The following TAF2 variants were observed in gnomAD, a reference collection of about 807,000 sequenced individuals.
TAF2 encodes TATA-box binding protein associated factor 2.
Under a neutral mutation model 138.5 loss-of-function variants are expected in TAF2, and 61 were observed. That is an observed-to-expected ratio of 0.44 (90% CI 0.36 to 0.54). The LOEUF is 0.54. TAF2 is among the 20% of genes least tolerant of loss of function. The pLI is 0.00. For synonymous variants in TAF2, 475 were observed against 469.9 expected (o/e 1.01, Z -0.14); for missense variants, 1,090 against 1,427.9 (o/e 0.76, Z 3.81).
At chr8:119,811,801 G>A (rs1401774799) in intron 3 of TAF2, among the ~76,000 whole-genome samples, 3 of 103,244 alleles carry the variant, frequency 2.9e-5, no homozygotes. Context: ...GTGAGACTCC[G>A]TCTCAAAAAA....
At chr8:119,771,517 T>TA (rs780966242) in intron 18 of TAF2, among the ~76,000 whole-genome samples, 2 of 152,134 alleles carry the variant, frequency 1.3e-5, no homozygotes, top group Non-Finnish European at 2.9e-5. Context: ...ATTACAGGAA[T>TA]AAGCCACTGT....
chr8:119,753,110 T>C (rs1202670059), intron 22 of TAF2, among the ~76,000 whole-genome samples: 1 of 152,196 alleles, frequency 6.6e-6, no homozygotes, highest in African/African-American at 2.4e-5. Context: ...ATTCTCATGA[T>C]AAAATGCTAT....
Position 119,762,480 on chromosome 8 carries a change from T to C in TAF2, c.2493A>G (p.Glu831=). 6.2e-7 allele frequency: 1 copy of C among 1,614,042 alleles called. No homozygotes were observed. Among genetic ancestry groups the C allele is most frequent in the African/African-American group, 1.3e-5 (1 of 75,060 alleles). Residue 831 remains glutamate, a synonymous_variant, in exon 19 of 26, where the codon GAA becomes GAG. Transcript: ENST00000378164. ...CCATATTCAAAAATCTGGTGATTTC[T>C]TCAAGAATGAGTCGCACATCAGGAT... is the stretch of plus-strand genomic sequence containing the variant. ...NLNPDVRLIL[E]EITRFLNMEK...
intron 18 of TAF2, among the ~76,000 whole-genome samples, chr8:119,773,061 T>C (rs1821961253): frequency 6.7e-6 from 1 of 148,364 alleles, no homozygotes; most frequent in Admixed American, 7.2e-5. Context: ...ATCAACATCA[T>C]CATTATTGAA....
intron 18 of TAF2, among the ~76,000 whole-genome samples, chr8:119,766,764 G>A (rs1821451156): frequency 6.6e-6 from 1 of 151,602 alleles, no homozygotes; most frequent in African/African-American, 2.4e-5. Context: ...AACCCAGGAG[G>A]CAGAGGTTGC....
At chr8:119,783,357 C>A in intron 16 of TAF2, 24 bp downstream of exon 16, 1 of 1,612,416 alleles carries the variant, frequency 6.2e-7, no homozygotes, top group South Asian at 1.1e-5. Context: ...ATAGTCATTT[C>A]CTTTATGCTG....
intron 15 of TAF2, 74 bp downstream of exon 15, chr8:119,785,127 A>G (rs1822927832): frequency 8.5e-7 from 1 of 1,180,620 alleles, no homozygotes; most frequent in Admixed American, 1.7e-5. Context: ...ATACACTTTT[A>G]CGTACGCATA....
Position 119,797,816 on chromosome 8 carries a change from G to C in TAF2, c.823C>G (p.Pro275Ala), listed in dbSNP as rs1823936932. 5.6e-6 allele frequency: 9 copies of C among 1,613,404 alleles called. No individual in the cohort carries two copies. Among genetic ancestry groups the C allele is most frequent in the Non-Finnish European group, 7.6e-6 (9 of 1,179,668 alleles). Residue 275 changes from proline to alanine, a missense_variant, in exon 7 of 26, where the codon CCA becomes GCA. This residue lies in a region of TAF2 where 504 missense variants were observed against 680.9 expected (regional missense o/e 0.74). Transcript: ENST00000378164. ...VTHFCLPQLL[P>A]LLKHTTSYLH... Reference sequence around the variant, plus strand: ...TATGATGTGGTATGTTTCAGCAATGGAAGAAGTTGGGGCAAACAAAAATGA... The same window carrying C: ...TATGATGTGGTATGTTTCAGCAATGCAAGAAGTTGGGGCAAACAAAAATGA...
At chr8:119,830,102 G>C (rs1264771930) in intron 2 of TAF2, among the ~76,000 whole-genome samples, 1 of 151,868 alleles carries the variant, frequency 6.6e-6, no homozygotes, top group Non-Finnish European at 1.5e-5. Context: ...GTTTCACCGT[G>C]TTAGCCAGGA....
chr8:119,792,598 T>C (rs945498149), intron 10 of TAF2, among the ~76,000 whole-genome samples: 2 of 150,796 alleles, frequency 1.3e-5, no homozygotes, highest in African/African-American at 5.0e-5. Context: ...GGTGCTATAG[T>C]TTGTTTGAAT....
In TAF2 at chr8:119,746,848, A is replaced by C; in HGVS notation, c.2965T>G (p.Leu989Val). The C allele has an allele frequency of 6.2e-7, 1 of 1,614,172 alleles. No homozygotes were observed. Among genetic ancestry groups the C allele is most frequent in the Non-Finnish European group, 8.5e-7 (1 of 1,180,024 alleles). ...TTAAGAACCAACCCAAGCTCTGGCA[A>C]GGGTAAACAGGAAGGTCTACTGAGG... ...FGLSRPSCLPLPELGLVLNLK... is the reference protein window; with the variant it reads ...FGLSRPSCLPVPELGLVLNLK... The change falls in exon 23 of 26, where the codon TTG becomes GTG. Residue 989 changes from leucine to valine, a missense_variant. This residue lies in a region of TAF2 where 580 missense variants were observed against 719.6 expected (regional missense o/e 0.81). Transcript: ENST00000378164.
At chr8:119,758,792 A>T (rs1298326658) in intron 20 of TAF2, among the ~76,000 whole-genome samples, 1 of 152,130 alleles carries the variant, frequency 6.6e-6, no homozygotes, top group Admixed American at 6.5e-5. Context: ...CTTGAGTACC[A>T]GTATTTAAAT....
At chr8:119,823,863 T>C (rs1318488918) in intron 2 of TAF2, among the ~76,000 whole-genome samples, 1 of 152,206 alleles carries the variant, frequency 6.6e-6, no homozygotes. Flanking sequence ...AGGCCCAGGC[T>C]GAGGTGGTCT....
At chr8:119,798,567 A>T (rs967860435) in intron 6 of TAF2, among the ~76,000 whole-genome samples, 3 of 152,236 alleles carry the variant, frequency 2.0e-5, no homozygotes, top group African/African-American at 7.2e-5. Context: ...GAAGTTTGAT[A>T]GGAAACTTTT....
chr8:119,789,685 A>G lies in TAF2; in HGVS notation c.1475T>C (p.Met492Thr). Residue 492 changes from methionine to threonine, a missense_variant, in exon 12 of 26, where the codon ATG (methionine) becomes ACG (threonine). Transcript: ENST00000378164. ...TASSQKFQSH[M>T]WSQMLVSTSG... is the part of the protein sequence containing the mutation. ...TGTGGAAACCAACATCTGACTCCACATATGTGACTGGAACTTCTGAGATGA... is the reference window on the plus strand; with the variant it reads ...TGTGGAAACCAACATCTGACTCCACGTATGTGACTGGAACTTCTGAGATGA... The G allele has an allele frequency of 6.2e-7, 1 of 1,613,928 alleles. No homozygotes were observed. Among genetic ancestry groups the G allele is most frequent in the Non-Finnish European group, 8.5e-7 (1 of 1,179,940 alleles).
At chr8:119,821,483 AAAC>A (rs1825805045) in intron 2 of TAF2, among the ~76,000 whole-genome samples, 1 of 152,186 alleles carries the variant, frequency 6.6e-6, no homozygotes. Context: ...CATTCACTAT[AAAC>A]GAGGGTAGTG....
At chr8:119,758,271 A>G (rs1820834509) in intron 20 of TAF2, 129 bp from the exon 21 acceptor site, 1 of 755,008 alleles carries the variant, frequency 1.3e-6, no homozygotes, top group South Asian at 1.6e-5. Context: ...TCAGAGTTGA[A>G]GGTTATAGGT....
chr8:119,829,093 G>A (rs1478556406), intron 2 of TAF2, among the ~76,000 whole-genome samples: 2 of 152,188 alleles, frequency 1.3e-5, no homozygotes, highest in Non-Finnish European at 2.9e-5. Flanking sequence ...CAGTGGATGC[G>A]TTGGGGTTAA....
intron 18 of TAF2, among the ~76,000 whole-genome samples, chr8:119,766,111 T>C (rs970607980): frequency 1.3e-5 from 2 of 152,222 alleles, no homozygotes; most frequent in Non-Finnish European, 1.5e-5. Context: ...ACTTCACAAA[T>C]AGATTCATTT....
Sources: gnomAD v4.1 joint callset for allele counts (sites outside exome capture counted in the v4.1 genomes callset) on GRCh38, gnomAD v4.1.1 for gene constraint, gnomAD v4.1.1 regional missense constraint, MANE v1.5 for transcripts, NCBI Gene and HGNC (gene_info 2026-07-23, HGNC 2026-07-21) for gene names.